Variants in DDX60 observed in about 807,000 individuals in gnomAD.
DDX60 encodes the protein DExD/H-box helicase 60.
In DDX60, 165 loss-of-function variants were observed where a neutral mutation model predicts 212.8. That is an observed-to-expected ratio of 0.78 (90% CI 0.68 to 0.88). The LOEUF is 0.88. Among genes scored for constraint, DDX60 ranks in the 40% least tolerant of loss-of-function variants. The probability of loss-of-function intolerance (pLI) is 0.00; values close to 1 mark genes in which losing one functional copy is unlikely to be tolerated. For missense variants in DDX60, 1,905 were observed against 2,003.9 expected (o/e 0.95, Z 0.94); for synonymous variants, 703 against 685.3 (o/e 1.03, Z -0.40).
intron 37 of DDX60, among the ~76,000 whole-genome samples, chr4:168,217,695 G>C (rs1002179685): frequency 7.9e-5 from 12 of 152,160 alleles, no homozygotes; most frequent in Non-Finnish European, 1.8e-4. Context: ...AAGTGGAAGA[G>C]TGAGGCAGGA....
At position 168,274,024 on chromosome 4, in the gene DDX60, G is replaced by A. The variant is rs1164871576; in HGVS notation, c.2364C>T (p.Ser788=). ...NESAVIVAPT[S]SGKTYASYYC... The stretch of plus-strand genomic sequence containing the variant: ...AGTAGGAGGCATAGGTTTTGCCTGA[G>A]GACGTTGGGGCAACAATCACTGCTG... The change falls in exon 17 of 38, where the codon TCC becomes TCT. Residue 788 remains serine, a synonymous_variant. Transcript: ENST00000393743. 1.2e-6 allele frequency: 2 copies of A among 1,614,184 alleles called. No homozygotes were observed. Among genetic ancestry groups the A allele is most frequent in the South Asian group, 1.1e-5 (1 of 91,076 alleles).
At chr4:168,283,369 A>C (rs544879484) in intron 13 of DDX60, 77 bp downstream of exon 13, 1 of 1,299,692 alleles carries the variant, frequency 7.7e-7, no homozygotes, top group South Asian at 1.3e-5. Flanking sequence ...AAAAGAAACC[A>C]CCAAAGGGAT....
chr4:168,319,788 A>G (rs1053123171), upstream of DDX60, among the ~76,000 whole-genome samples: 2 of 152,208 alleles, frequency 1.3e-5, no homozygotes, highest in Non-Finnish European at 2.9e-5. Context: ...ATAAGAAGCC[A>G]CAGGCTGCTT....
intron 5 of DDX60, among the ~76,000 whole-genome samples, chr4:168,302,988 C>T (rs1736711935): frequency 6.6e-6 from 1 of 151,820 alleles, no homozygotes. Flanking sequence ...TAGATTTTAA[C>T]AAAAATAAAA....
chr4:168,237,453 G>A (rs1733669660), intron 31 of DDX60, 26 bp from the exon 32 acceptor site: 1 of 1,534,274 alleles, frequency 6.5e-7, no homozygotes, highest in Non-Finnish European at 8.7e-7. Flanking sequence ...CAATTTATTA[G>A]TTTGACTCAA....
At chr4:168,254,198 C>T (rs72693135) in intron 26 of DDX60, among the ~76,000 whole-genome samples, 9,228 of 152,152 alleles carry the variant, frequency 0.061, 462 homozygotes, top group East Asian at 0.15. Flanking sequence ...GAATGAGCTC[C>T]GGGTGGGCAT....
At chr4:168,270,055 G>C (rs943590212) in intron 19 of DDX60, among the ~76,000 whole-genome samples, 1 of 152,146 alleles carries the variant, frequency 6.6e-6, no homozygotes, top group Non-Finnish European at 1.5e-5. Flanking sequence ...TCATTTGTGA[G>C]CTCACTTGTT....
intron 7 of DDX60, among the ~76,000 whole-genome samples, chr4:168,293,527 A>G (rs1356053169): frequency 6.6e-6 from 1 of 152,226 alleles, no homozygotes; most frequent in Non-Finnish European, 1.5e-5. Context: ...AAGTGCTAAT[A>G]TCCTGTCTTG....
intron 6 of DDX60, among the ~76,000 whole-genome samples, chr4:168,301,803 G>A (rs1736658256): frequency 6.6e-6 from 1 of 152,198 alleles, no homozygotes; most frequent in Non-Finnish European, 1.5e-5. Context: ...ACAAAGGGAA[G>A]ATAGTAACTT....
chr4:168,318,244 T>C (rs997563473), intron 1 of DDX60, among the ~76,000 whole-genome samples: 7 of 152,198 alleles, frequency 4.6e-5, no homozygotes, highest in African/African-American at 1.4e-4. Context: ...AGGTGGAAGC[T>C]TCTTGCTGCT....
In DDX60 at chr4:168,225,561, T is replaced by C; in HGVS notation, c.4649A>G (p.Asn1550Ser). 1 of 1,610,252 alleles carries C rather than the reference T, an allele frequency of 6.2e-7. No homozygotes were observed. The highest frequency in any genetic ancestry group is 8.5e-7 in the Non-Finnish European group (1 of 1,178,452). Residue 1550 changes from asparagine (N) to serine (S), a missense_variant, in exon 34 of 38, where the codon AAT (asparagine) becomes AGT (serine). Coordinates refer to ENST00000393743, the MANE Select transcript of DDX60 (RefSeq NM_017631.6). ...LRIVSKLADM[N>S]QEYQLPLSKI... Reference sequence around the variant, plus strand: ...TGACAATGGGAGTTGATATTCCTGATTCATATCAGCCAGTTTGGAAACAAT... The same window carrying C: ...TGACAATGGGAGTTGATATTCCTGACTCATATCAGCCAGTTTGGAAACAAT...
intron 21 of DDX60, 45 bp from the exon 22 acceptor site, chr4:168,267,736 C>A: frequency 1.3e-6 from 2 of 1,540,972 alleles, no homozygotes; most frequent in East Asian, 2.3e-5. Context: ...GAAATGTAAT[C>A]ACTGAAACAA....
intron 35 of DDX60, among the ~76,000 whole-genome samples, chr4:168,223,726 T>A (rs1216369661): frequency 6.6e-6 from 1 of 152,050 alleles, no homozygotes; most frequent in Non-Finnish European, 1.5e-5. Context: ...TAAAATAGAG[T>A]TGAGACACCA....
chr4:168,254,092 A>C (rs1050606079), intron 26 of DDX60, among the ~76,000 whole-genome samples: 9 of 152,226 alleles, frequency 5.9e-5, no homozygotes, highest in Non-Finnish European at 1.2e-4. Flanking sequence ...CCTCACTGTA[A>C]GTTTTTAGTC....
At chr4:168,275,952 C>CA in intron 15 of DDX60, 63 bp downstream of exon 15, 1 of 1,359,036 alleles carries the variant, frequency 7.4e-7, no homozygotes, top group African/African-American at 1.5e-5. Flanking sequence ...ACTATCTTTG[C>CA]AAAACACTTT....
chr4:168,274,342 C>T (rs1334244104), intron 16 of DDX60, among the ~76,000 whole-genome samples: 1 of 152,072 alleles, frequency 6.6e-6, no homozygotes, highest in Non-Finnish European at 1.5e-5. Flanking sequence ...TAATTATTTG[C>T]TATTTACTAA....
In DDX60 at chr4:168,229,357, G is replaced by A. The variant is rs72971461; in HGVS notation, c.4534-3681C>T. On this transcript the variant is annotated intron_variant, in intron 33 of 37. Transcript: ENST00000393743. ...TGGGATAAGCACTCTGGGCACTTTC[G>A]GTCCCCAGAAAAGCCGTTTCTGACT... is the stretch of plus-strand genomic sequence containing the variant. 6.5e-3 allele frequency among the ~76,000 whole-genome samples: 984 copies of A among 152,148 alleles called. 9 individuals carry two copies. Among genetic ancestry groups the A allele is most frequent in the African/African-American group, 0.023 (936 of 41,530 alleles).
intron 24 of DDX60, 121 bp from the exon 25 acceptor site, chr4:168,261,110 C>T: frequency 2.0e-6 from 2 of 1,024,140 alleles, no homozygotes; most frequent in Non-Finnish European, 2.8e-6. Context: ...TAAAATAGTC[C>T]TATGAAAGTA....
rs376787516 is a variant in DDX60 at position 168,232,514 on chromosome 4, A to C, written c.4533+3738T>G. Among the ~76,000 whole-genome samples the C allele has an allele frequency of 2.0e-5, 3 of 152,288 alleles. No individual in the cohort carries two copies. The East Asian group carries it at 5.8e-4, about 29-fold the overall frequency. On this transcript the variant is annotated intron_variant, in intron 33 of 37. Coordinates refer to ENST00000393743, the MANE Select transcript of DDX60 (RefSeq NM_017631.6). ...ACAAGGTCCTGGCATAAATATAGAC[A>C]CATAGACCAATGGAACAGAATAAAG... is the stretch of plus-strand genomic sequence containing the variant.
Sources: allele counts gnomAD v4.1 joint callset (sites outside exome capture counted in the v4.1 genomes callset), GRCh38; gene constraint gnomAD v4.1.1; transcripts MANE v1.5; gene names NCBI Gene and HGNC (gene_info 2026-07-23, HGNC 2026-07-21).